Variants in MAP6D1 observed in about 807,000 individuals in gnomAD.
MAP6D1 encodes the protein MAP6 domain-containing protein 1.
Under a neutral mutation model 17.4 loss-of-function variants are expected in MAP6D1, and 13 were observed. The ratio of observed to expected loss-of-function variants is 0.75; its 90% CI spans 0.49 to 1.19. The LOEUF is 1.19. Among genes scored for constraint, MAP6D1 ranks in the 50% most tolerant of loss-of-function variants. The pLI is 0.00. For synonymous variants in MAP6D1, 141 were observed against 145.7 expected (o/e 0.97, Z 0.23); for missense variants, 313 against 312.6 (o/e 1.00, Z -0.01).
At chr3:183,822,443 AAAC>A (rs759951582) in intron 1 of MAP6D1, among the ~76,000 whole-genome samples, 77 of 152,238 alleles carry the variant, frequency 5.1e-4, no homozygotes, top group Non-Finnish European at 8.1e-4. Context: ...ACAACAAAAC[AAAC>A]AACAACAAAA....
chr3:183,824,371 C>T (rs1422072659), intron 1 of MAP6D1, among the ~76,000 whole-genome samples: 1 of 152,164 alleles, frequency 6.6e-6, no homozygotes, highest in Non-Finnish European at 1.5e-5. Context: ...ATTCATGTTG[C>T]AGAACATGTA....
Position 183,817,235 on chromosome 3 carries a change from GA to G in MAP6D1, c.*120del. 1 of 987,270 alleles carries G rather than the reference GA, an allele frequency of 1.0e-6. No homozygotes were observed. Among genetic ancestry groups the G allele is most frequent in the Admixed American group, 2.1e-5 (1 of 47,260 alleles). 61.2% of individuals were successfully genotyped at this position (987,270 alleles called of 1,614,324 possible). On this transcript the variant is annotated 3_prime_UTR_variant, in exon 3 of 3. Transcript: ENST00000318631. ...ACTTTGGCCCTGGTGACAGCTTTGA[GA>G]GGGGCTGTGCCCTCCCGCAGGGGCC...
intron 1 of MAP6D1, among the ~76,000 whole-genome samples, chr3:183,823,775 C>T (rs1194278565): frequency 2.6e-5 from 4 of 151,868 alleles, no homozygotes; most frequent in Admixed American, 6.6e-5. Flanking sequence ...GGTGACAGAG[C>T]GAGACTCCGT....
chr3:183,825,319 T>C lies in MAP6D1; in HGVS notation c.229A>G (p.Thr77Ala). The change falls in exon 1 of 3, where the codon ACC becomes GCC. Residue 77 changes from threonine to alanine, a missense_variant. Physicochemically the swap from Thr to Ala is moderately conservative, Grantham distance 58. Transcript: ENST00000318631. ...GGATCCTTGGGCCCGGCGGGCGTGG[T>C]CCACAAGCCGAAGTCCCGCTGGTAC... is the stretch of plus-strand genomic sequence containing the variant. ...TQYQRDFGLWTTPAGPKDPPP... is the reference protein window; with the variant it reads ...TQYQRDFGLWATPAGPKDPPP... 7.3e-7 allele frequency: 1 copy of C among 1,362,056 alleles called. No individual in the cohort carries two copies. The highest frequency in any genetic ancestry group is 9.4e-7 in the Non-Finnish European group (1 of 1,059,486). 84.4% of individuals were successfully genotyped at this position (1,362,056 alleles called of 1,614,324 possible).
At chr3:183,821,906 C>T (rs1417552823) in intron 1 of MAP6D1, among the ~76,000 whole-genome samples, 1 of 152,076 alleles carries the variant, frequency 6.6e-6, no homozygotes, top group Non-Finnish European at 1.5e-5. Context: ...GGAGATCCGT[C>T]CATCTCGGCC....
At chr3:183,817,584 C>T (rs552537667) in intron 2 of MAP6D1, 148 bp from the exon 3 acceptor site, 14 of 698,300 alleles carry the variant, frequency 2.0e-5, no homozygotes, top group East Asian at 1.6e-4. Context: ...ACTTGCCCAC[C>T]GTGAGCCATA....
rs1727362319 is a variant in MAP6D1 at position 183,825,302 on chromosome 3, G to A, written c.246C>T (p.Pro82=). Residue 82 remains proline (P), a synonymous_variant, in exon 1 of 3, where the codon CCC becomes CCT. Transcript: ENST00000318631. ...GTCCGCGCCCCGGCGGCGGATCCTTGGGCCCGGCGGGCGTGGTCCACAAGC... is the reference window on the plus strand; with the variant it reads ...GTCCGCGCCCCGGCGGCGGATCCTTAGGCCCGGCGGGCGTGGTCCACAAGC... ...DFGLWTTPAG[P]KDPPPGRGPG... is the part of the protein sequence containing the mutation. 1.5e-6 allele frequency: 2 copies of A among 1,338,058 alleles called. No individual in the cohort carries two copies. Among genetic ancestry groups the A allele is most frequent in the South Asian group, 2.1e-5 (1 of 47,476 alleles). The allele number at this position is 1,338,058 out of a possible 1,614,324, so 82.9% of individuals were successfully genotyped here.
chr3:183,819,668 C>T (rs1211237200), intron 1 of MAP6D1, among the ~76,000 whole-genome samples: 1 of 152,132 alleles, frequency 6.6e-6, no homozygotes, highest in East Asian at 1.9e-4. Flanking sequence ...TGCTGTGCCC[C>T]CATACAGTGC....
At chr3:183,822,850 A>G (rs1031297733) in intron 1 of MAP6D1, among the ~76,000 whole-genome samples, 3 of 152,252 alleles carry the variant, frequency 2.0e-5, no homozygotes, top group African/African-American at 7.2e-5. Context: ...TCTAGGCACC[A>G]GAGCAGGGCA....
At position 183,815,944 on chromosome 3, in the gene MAP6D1, G is replaced by C. The variant is rs1035373526; in HGVS notation, c.*1412C>G. 2 of 152,222 alleles carry C rather than the reference G, an allele frequency of 1.3e-5. No individual in the cohort carries two copies. Among genetic ancestry groups the C allele is most frequent in the Non-Finnish European group, 2.9e-5 (2 of 68,038 alleles). The allele number at this position is 152,222 out of a possible 1,614,324, so 9.4% of individuals were successfully genotyped here. A position where few individuals can be genotyped will look rare whatever the true frequency, so the allele number is the denominator to read the frequency against. On this transcript the variant is annotated 3_prime_UTR_variant, in exon 3 of 3. Coordinates refer to ENST00000318631, the MANE Select transcript of MAP6D1 (RefSeq NM_024871.4). The stretch of plus-strand genomic sequence containing the variant: ...ACATTTTTGCATTTTAGTAAAATCT[G>C]AGATTGTACAGTTTTTAATCTCATT...
Position 183,825,453 on chromosome 3 carries a change from C to A in MAP6D1, c.95G>T (p.Gly32Val). Residue 32 changes from glycine to valine, a missense_variant, in exon 1 of 3, where the codon GGC becomes GTC. Coordinates refer to ENST00000318631, the MANE Select transcript of MAP6D1 (RefSeq NM_024871.4). ...SDVAVPLTLHGYSDLDSEEPG... is the reference protein window; with the variant it reads ...SDVAVPLTLHVYSDLDSEEPG... ...CTCCTCGCTGTCGAGGTCCGAGTAG[C>A]CGTGCAGAGTGAGCGGCACCGCCAC... 2 of 1,437,300 alleles carry A rather than the reference C, an allele frequency of 1.4e-6. No homozygotes were observed. The highest frequency in any genetic ancestry group is 1.8e-6 in the Non-Finnish European group (2 of 1,100,404). 89.0% of individuals were successfully genotyped at this position (1,437,300 alleles called of 1,614,324 possible).
At position 183,825,377 on chromosome 3, in the gene MAP6D1, G is replaced by C; in HGVS notation, c.171C>G (p.Ala57=). The change falls in exon 1 of 3, where the codon GCC becomes GCG. Residue 57 remains alanine, a synonymous_variant. Coordinates refer to ENST00000318631, the MANE Select transcript of MAP6D1 (RefSeq NM_024871.4). Reference sequence around the variant, plus strand: ...GCGGCACGTCCCGGCCGGAATCCCGGGCGCCCGCGGGAGGCTGGCCCCTGC... The same window carrying C: ...GCGGCACGTCCCGGCCGGAATCCCGCGCGCCCGCGGGAGGCTGGCCCCTGC... ...ASRRGQPPAG[A]RDSGRDVPLT... is the part of the protein sequence containing the mutation. 1 of 1,442,616 alleles carries C rather than the reference G, an allele frequency of 6.9e-7. No homozygotes were observed. The highest frequency in any genetic ancestry group is 9.1e-7 in the Non-Finnish European group (1 of 1,100,172). 89.4% of individuals were successfully genotyped at this position (1,442,616 alleles called of 1,614,324 possible).
At position 183,818,283 on chromosome 3, in the gene MAP6D1, C is replaced by T. The variant is rs118074911; in HGVS notation, c.402-172G>A. Among the ~76,000 whole-genome samples, 32 of 152,362 alleles carry T rather than the reference C, an allele frequency of 2.1e-4. No homozygotes were observed. In the East Asian group the frequency reaches 5.2e-3, roughly 25 times the overall value. ...AGAACTGGCAAGGCAAGTGCACTCC[C>T]GTGCAGGCCCAGCTCCAGGAGAAAG... On this transcript the variant is annotated intron_variant, in intron 1 of 2. Coordinates refer to ENST00000318631, the MANE Select transcript of MAP6D1 (RefSeq NM_024871.4).
intron 1 of MAP6D1, 36 bp downstream of exon 1, chr3:183,825,111 G>GT: frequency 7.4e-7 from 1 of 1,357,254 alleles, no homozygotes; most frequent in Non-Finnish European, 9.5e-7. Flanking sequence ...CCCACCACAG[G>GT]GTGGGGACTC....
intron 1 of MAP6D1, 99 bp downstream of exon 1, chr3:183,825,048 C>A (rs1560357430): frequency 1.0e-5 from 12 of 1,199,096 alleles, no homozygotes; most frequent in Non-Finnish European, 1.2e-5. Flanking sequence ...GGGCTCCAGG[C>A]GCCTCCGCTC....
chr3:183,817,347 T>C lies in MAP6D1; in HGVS notation c.*9A>G. 1.3e-6 allele frequency: 2 copies of C among 1,561,424 alleles called. No homozygotes were observed. Among genetic ancestry groups the C allele is most frequent in the Non-Finnish European group, 1.7e-6 (2 of 1,153,016 alleles). ...CCTGTCGGCAGCCATGGTGTCACGG[T>C]GCAGGCAGTCACACGTTGAGAATCC... On this transcript the variant is annotated 3_prime_UTR_variant, in exon 3 of 3. Transcript: ENST00000318631.
chr3:183,823,326 G>A lies in MAP6D1; in HGVS notation c.401+1821C>T, dbSNP rs917077940. ...CTTTTAGAAGGAGTCCCTCATCCGGGCATGGTGGCTCATGCCTGTAATCCC... is the reference window on the plus strand; with the variant it reads ...CTTTTAGAAGGAGTCCCTCATCCGGACATGGTGGCTCATGCCTGTAATCCC... On this transcript the variant is annotated intron_variant, in intron 1 of 2. Coordinates refer to ENST00000318631, the MANE Select transcript of MAP6D1 (RefSeq NM_024871.4). Among the ~76,000 whole-genome samples the A allele has an allele frequency of 7.2e-5, 11 of 152,022 alleles. 1 individual carries two copies. The South Asian group carries it at 2.3e-3, about 32-fold the overall frequency.
At chr3:183,820,672 G>A (rs1405612104) in intron 1 of MAP6D1, among the ~76,000 whole-genome samples, 1 of 152,092 alleles carries the variant, frequency 6.6e-6, no homozygotes, top group Non-Finnish European at 1.5e-5. Flanking sequence ...GGCTGGGGCG[G>A]GCGGATCACG....
In MAP6D1 at chr3:183,817,429, T is replaced by C. The variant is rs1275207272; in HGVS notation, c.527A>G (p.Glu176Gly). Residue 176 changes from glutamate to glycine, a missense_variant, in exon 3 of 3, where the codon GAG (glutamate) becomes GGG (glycine). Coordinates refer to ENST00000318631, the MANE Select transcript of MAP6D1 (RefSeq NM_024871.4). Reference sequence around the variant, plus strand: ...GTTAGGAGTGAACTTCTTCCTCACCTCTGGGACCTGAAAAATGAAGTGTGG... The same window carrying C: ...GTTAGGAGTGAACTTCTTCCTCACCCCTGGGACCTGAAAAATGAAGTGTGG... The part of the protein sequence containing the change: ...SSPGAGFQVP[E>G]VRKKFTPNPS... 4 of 1,562,798 alleles carry C rather than the reference T, an allele frequency of 2.6e-6. No homozygotes were observed. In the East Asian group the frequency reaches 9.4e-5, roughly 37 times the overall value.
Sources: gnomAD v4.1 joint callset for allele counts (sites outside exome capture counted in the v4.1 genomes callset) on GRCh38, gnomAD v4.1.1 for gene constraint, MANE v1.5 for transcripts, NCBI Gene and HGNC (gene_info 2026-07-23, HGNC 2026-07-21) for gene names.